Variants in H6PD observed in about 807,000 individuals in gnomAD.
H6PD encodes hexose-6-phosphate dehydrogenase/glucose 1-dehydrogenase.
In H6PD, 48 loss-of-function variants were observed where a neutral mutation model predicts 61.2. The ratio of observed to expected loss-of-function variants is 0.78; its 90% confidence interval spans 0.62 to 1.00. The LOEUF is 1.00. H6PD is among the 50% of genes least tolerant of loss of function. The pLI, the probability that H6PD is intolerant of heterozygous loss-of-function variation, is 0.00. For synonymous variants in H6PD, 480 were observed against 457.9 expected (o/e 1.05, Z -0.62); for missense variants, 1,093 against 1,065.0 (o/e 1.03, Z -0.37).
At chr1:9,235,187 G>A (rs1640817628) in intron 1 of H6PD, 121 bp downstream of exon 1, 1 of 152,000 alleles carries the variant, frequency 6.6e-6, no homozygotes, top group Admixed American at 6.6e-5. Context: ...CGGAGCCTGG[G>A]GCTGGCGGCT....
intron 3 of H6PD, among the ~76,000 whole-genome samples, chr1:9,261,381 C>T (rs1446420442): frequency 6.6e-6 from 1 of 152,126 alleles, no homozygotes; most frequent in South Asian, 2.1e-4. Context: ...AGGGTCCCTG[C>T]AGCTGAGATG....
At chr1:9,246,935 T>G (rs748047783) in intron 2 of H6PD, 31 bp from the exon 3 acceptor site, 17 of 1,462,294 alleles carry the variant, frequency 1.2e-5, no homozygotes, top group African/African-American at 1.4e-5. Context: ...GAGAGTATCC[T>G]GCAGCACGCC....
In H6PD at chr1:9,264,908, T is replaced by TCCTTCGCCCGTGTCTTC; in HGVS notation, c.*43_*59dup. 1 of 1,605,536 alleles carries TCCTTCGCCCGTGTCTTC rather than the reference T, an allele frequency of 6.2e-7. No individual in the cohort carries two copies. The highest frequency in any genetic ancestry group is 1.1e-5 in the South Asian group (1 of 90,946). On this transcript the variant is annotated 3_prime_UTR_variant, in exon 5 of 5. Transcript: ENST00000377403. ...CCTTGCCCGCTTCGCTCCTGTGCTT[T>TCCTTCGCCCGTGTCTTC]CCTTCGCCCGTGTCTTCCCTCCCTT...
At chr1:9,243,280 C>T (rs1641053363) in intron 1 of H6PD, among the ~76,000 whole-genome samples, 1 of 152,144 alleles carries the variant, frequency 6.6e-6, no homozygotes, top group Non-Finnish European at 1.5e-5. Context: ...GGTCATTGGG[C>T]TGGTTCTGTG....
chr1:9,263,173 C>T (rs756985087), intron 4 of H6PD, among the ~76,000 whole-genome samples: 108 of 152,306 alleles, frequency 7.1e-4, no homozygotes, highest in Non-Finnish European at 1.4e-3. Flanking sequence ...GTCAGGGTCC[C>T]CCACCCCACT....
At chr1:9,262,926 C>T (rs1343772838) in intron 4 of H6PD, among the ~76,000 whole-genome samples, 5 of 152,178 alleles carry the variant, frequency 3.3e-5, no homozygotes, top group South Asian at 2.1e-4. Context: ...ACGTAAGGCT[C>T]GGTGAAGTCG....
At position 9,264,262 on chromosome 1, in the gene H6PD, C is replaced by G. The variant is rs766100678; in HGVS notation, c.1769C>G (p.Ser590Trp). The change falls in exon 5 of 5, where the codon TCG becomes TGG. Residue 590 changes from serine (S) to tryptophan (W), a missense_variant. Coordinates refer to ENST00000377403, the MANE Select transcript of H6PD (RefSeq NM_004285.4). ...RRFGQFHLAL[S>W]GGSSPVALFQ... The stretch of plus-strand genomic sequence containing the variant: ...TTTGGCCAGTTCCACCTGGCACTGT[C>G]GGGGGGCTCGAGCCCCGTGGCCCTG... 6.2e-6 allele frequency: 10 copies of G among 1,609,414 alleles called. No individual in the cohort carries two copies. The highest frequency in any genetic ancestry group is 3.3e-5 in the Admixed American group (2 of 59,730).
At chr1:9,243,877 G>A (rs953748794) in intron 1 of H6PD, among the ~76,000 whole-genome samples, 1 of 150,634 alleles carries the variant, frequency 6.6e-6, no homozygotes, top group African/African-American at 2.4e-5. Flanking sequence ...CGGGGGCGGT[G>A]GGAGGGGGGG....
rs1206311355 is a variant in H6PD, at chr1:9,262,297, C to T, written c.984C>T (p.Asp328=). ...TGCGCAGAGAGCTGCAGAAGCCAGACAGCTTCCACAGCCTGACGCCGACCT... is the reference window on the plus strand; with the variant it reads ...TGCGCAGAGAGCTGCAGAAGCCAGATAGCTTCCACAGCCTGACGCCGACCT... The part of the protein sequence containing the change: ...EQVRRELQKP[D]SFHSLTPTFA... Residue 328 remains aspartate, a synonymous_variant, in exon 4 of 5, where the codon GAC becomes GAT. Coordinates refer to ENST00000377403, the MANE Select transcript of H6PD (RefSeq NM_004285.4). 17 of 1,607,670 alleles carry T rather than the reference C, an allele frequency of 1.1e-5. No homozygotes were observed. In the Admixed American group the frequency reaches 1.2e-4, roughly 11 times the overall value.
rs5772361 is a variant in H6PD, at chr1:9,270,947, C to CTTTTTTTTTTTTTTTTTTT, written c.*6090_*6091insTTTTTTTTTTTTTTTTTTT. ...TGATGAGGCACATTCAGAACAAATG[C>CTTTTTTTTTTTTTTTTTTT]TTTTTTTTTTTTGAGACAGAGTCTC... On this transcript the variant is annotated 3_prime_UTR_variant, in exon 5 of 5. Coordinates refer to ENST00000377403, the MANE Select transcript of H6PD (RefSeq NM_004285.4). 1 of 140,108 alleles carries CTTTTTTTTTTTTTTTTTTT rather than the reference C, an allele frequency of 7.1e-6. No individual in the cohort carries two copies. Among genetic ancestry groups the CTTTTTTTTTTTTTTTTTTT allele is most frequent in the Non-Finnish European group, 1.5e-5 (1 of 65,080 alleles). The allele number at this position is 140,108 out of a possible 1,614,324, so 8.7% of individuals were successfully genotyped here. A position where few individuals can be genotyped will look rare whatever the true frequency, so the allele number is the denominator to read the frequency against.
At chr1:9,263,419 G>A (rs886258579) in intron 4 of H6PD, 90 bp from the exon 5 acceptor site, 100 of 1,216,000 alleles carry the variant, frequency 8.2e-5, no homozygotes, top group South Asian at 2.0e-4. Flanking sequence ...GCAGGGGGAC[G>A]CCCAGAGGAG....
intron 1 of H6PD, among the ~76,000 whole-genome samples, chr1:9,240,983 C>A (rs2100311149): frequency 6.6e-6 from 1 of 152,236 alleles, no homozygotes; most frequent in South Asian, 2.1e-4. Context: ...CTGCTTCTTT[C>A]CCTGTCAGGG....
chr1:9,256,909 C>T (rs925262227), intron 3 of H6PD, among the ~76,000 whole-genome samples: 1 of 152,056 alleles, frequency 6.6e-6, no homozygotes, highest in African/African-American at 2.4e-5. Context: ...CCCTAAACAA[C>T]CTGTTGTTTA....
In H6PD at chr1:9,268,255, A is replaced by AG. The variant is rs1309853096; in HGVS notation, c.*3386_*3387insG. 1 of 147,242 alleles carries AG rather than the reference A, an allele frequency of 6.8e-6. No homozygotes were observed. Among genetic ancestry groups the AG allele is most frequent in the Admixed American group, 6.9e-5 (1 of 14,498 alleles). The allele number at this position is 147,242 out of a possible 1,614,324, so 9.1% of individuals were successfully genotyped here. On this transcript the variant is annotated 3_prime_UTR_variant, in exon 5 of 5. Transcript: ENST00000377403. ...CCCTATCTCAAAAAAAAAAAAAAAA[A>AG]AAAAGGAAAGAGTGATGACAACAGC...
At chr1:9,258,081 C>CGG (rs1641577126) in intron 3 of H6PD, among the ~76,000 whole-genome samples, 6 of 152,332 alleles carry the variant, frequency 3.9e-5, no homozygotes, top group Admixed American at 2.0e-4. Flanking sequence ...GGAGTGATCA[C>CGG]GGTGCCTGCG....
In H6PD at chr1:9,266,693, A is replaced by C. The variant is rs1638570852; in HGVS notation, c.*1824A>C. On this transcript the variant is annotated 3_prime_UTR_variant, in exon 5 of 5. Transcript: ENST00000377403. ...GTCGGTTTCTCTCTGGACTGTTTAC[A>C]CTTCAAGGCGGTGGATTTAGAGGAA... The C allele has an allele frequency of 6.6e-6, 1 of 152,208 alleles. No homozygotes were observed. The highest frequency in any genetic ancestry group is 1.5e-5 in the Non-Finnish European group (1 of 68,052). 9.4% of individuals were successfully genotyped at this position (152,208 alleles called of 1,614,324 possible).
rs765081921 is a variant in H6PD at position 9,264,919 on chromosome 1, T to G, written c.*50T>G. 5.5e-5 allele frequency: 88 copies of G among 1,598,468 alleles called. No individual in the cohort carries two copies. The highest frequency in any genetic ancestry group is 5.6e-5 in the Non-Finnish European group (66 of 1,174,718). ...TCGCTCCTGTGCTTTCCTTCGCCCG[T>G]GTCTTCCCTCCCTTCTCGGCCCCGC... On this transcript the variant is annotated 3_prime_UTR_variant, in exon 5 of 5. Transcript: ENST00000377403.
Position 9,245,178 on chromosome 1 carries a change from G to A in H6PD, c.244G>A (p.Glu82Lys). 1 of 1,614,204 alleles carries A rather than the reference G, an allele frequency of 6.2e-7. No individual in the cohort carries two copies. The highest frequency in any genetic ancestry group is 8.5e-7 in the Non-Finnish European group (1 of 1,180,036). The change falls in exon 2 of 5, where the codon GAA becomes AAA. Residue 82 changes from glutamate to lysine, a missense_variant. Coordinates refer to ENST00000377403, the MANE Select transcript of H6PD (RefSeq NM_004285.4). This position sits in a 1 kb window ranked among gnomAD's most constrained non-coding sequence, Gnocchi z 4.8. ...QGQELMAKAL[E>K]SLSCPKDMAP... ...TCAAGAGCTCATGGCCAAGGCCCTG[G>A]AATCCCTCTCCTGCCCCAAGGACAT...
chr1:9,257,545 C>T (rs6662509), intron 3 of H6PD, among the ~76,000 whole-genome samples: 25,701 of 152,164 alleles, frequency 0.17, 2,303 homozygotes, highest in Admixed American at 0.24. Flanking sequence ...TCTTCATTTT[C>T]TCTGCTGTCC....
Sources: allele counts gnomAD v4.1 joint callset (sites outside exome capture counted in the v4.1 genomes callset), GRCh38; gene constraint gnomAD v4.1.1; non-coding constraint Gnocchi (gnomAD v3.1); transcripts MANE v1.5; gene names NCBI Gene and HGNC (gene_info 2026-07-23, HGNC 2026-07-21).